The following DLGAP1 variants were observed in gnomAD, a reference collection of about 807,000 sequenced individuals.
DLGAP1 encodes the protein DLG associated protein 1.
A neutral mutation model predicts 90.8 loss-of-function variants in DLGAP1; 11 were observed. The ratio of observed to expected loss-of-function variants is 0.12; its 90% CI spans 0.08 to 0.20. The LOEUF is 0.20. Ranked by LOEUF, DLGAP1 falls within the 10% of genes least tolerant of loss-of-function variation. DLGAP1 has a pLI of 1.00. For synonymous variants in DLGAP1, 558 were observed against 540.7 expected (o/e 1.03, Z -0.44); for missense variants, 1,050 against 1,333.8 (o/e 0.79, Z 3.31).
intron 4 of DLGAP1, among the ~76,000 whole-genome samples, chr18:3,824,879 C>T (rs927010775): frequency 8.5e-5 from 13 of 152,138 alleles, no homozygotes; most frequent in Non-Finnish European, 1.5e-4. Context: ...GCAATGAAAC[C>T]GTCAAACCAC....
chr18:3,886,993 C>G (rs2071333950), intron 3 of DLGAP1, among the ~76,000 whole-genome samples: 2 of 152,160 alleles, frequency 1.3e-5, no homozygotes, highest in Non-Finnish European at 2.9e-5. Context: ...AGGTTCTGAC[C>G]TACAGCGGAG....
chr18:3,575,550 C>T (rs1404770300), intron 8 of DLGAP1, among the ~76,000 whole-genome samples: 1 of 152,056 alleles, frequency 6.6e-6, no homozygotes, highest in Non-Finnish European at 1.5e-5. Context: ...CCAGGGGTCA[C>T]CTTTGGGGAG....
intron 2 of DLGAP1, among the ~76,000 whole-genome samples, chr18:4,074,007 T>G (rs7240625): frequency 0.068 from 10,337 of 152,232 alleles, 712 homozygotes; most frequent in East Asian, 0.21. Context: ...AGCCTATATA[T>G]GAGCAGATAA....
intron 2 of DLGAP1, among the ~76,000 whole-genome samples, chr18:4,047,458 T>A (rs1226501399): frequency 3.9e-5 from 6 of 152,214 alleles, no homozygotes; most frequent in African/African-American, 1.2e-4. Context: ...TAGCCAATAG[T>A]AATAAATGGA....
intron 4 of DLGAP1, among the ~76,000 whole-genome samples, chr18:3,838,005 A>AT (rs1363741601): frequency 2.7e-5 from 4 of 149,202 alleles, no homozygotes; most frequent in Non-Finnish European, 4.5e-5. Context: ...TGTCTTAGTA[A>AT]TTAAAAAAAA....
At chr18:3,835,494 A>C (rs2068316755) in intron 4 of DLGAP1, among the ~76,000 whole-genome samples, 1 of 151,912 alleles carries the variant, frequency 6.6e-6, no homozygotes, top group Non-Finnish European at 1.5e-5. Flanking sequence ...CTAAAAACAC[A>C]AAAAATTAGC....
chr18:3,833,750 C>A (rs1177172331), intron 4 of DLGAP1, among the ~76,000 whole-genome samples: 1 of 152,116 alleles, frequency 6.6e-6, no homozygotes, highest in Non-Finnish European at 1.5e-5. Flanking sequence ...TACAAGGATA[C>A]AATGATTTGT....
chr18:4,399,469 C>A (rs62087777), intron 1 of DLGAP1, among the ~76,000 whole-genome samples: 14,204 of 152,180 alleles, frequency 0.093, 1,175 homozygotes, highest in African/African-American at 0.23. Flanking sequence ...AGCGTCAGAA[C>A]GCTTATCTGT....
chr18:4,095,439 G>A (rs2075661305), intron 2 of DLGAP1, among the ~76,000 whole-genome samples: 1 of 152,068 alleles, frequency 6.6e-6, no homozygotes, highest in South Asian at 2.1e-4. Context: ...AAGAGTTCTA[G>A]TGATCTGGAA....
At chr18:4,208,309 C>T (rs2077763646) in intron 1 of DLGAP1, among the ~76,000 whole-genome samples, 1 of 152,136 alleles carries the variant, frequency 6.6e-6, no homozygotes, top group South Asian at 2.1e-4. Context: ...TCCAGACCAG[C>T]TCATAAAAGC....
Position 4,087,869 on chromosome 18 carries a change from G to A in DLGAP1, c.-159+63311C>T, listed in dbSNP as rs545837550. Among the ~76,000 whole-genome samples, 77 of 151,904 alleles carry A rather than the reference G, an allele frequency of 5.1e-4. 1 individual carries two copies. In the South Asian group the frequency reaches 7.5e-3, roughly 15 times the overall value. ...TGTAGTTGGGCTTTGCTTTGTTTGA[G>A]TTGACATGATCTGTCTTGATTTGTT... On this transcript the variant is annotated intron_variant, in intron 2 of 12. Transcript: ENST00000315677.
chr18:4,051,905 C>T lies in DLGAP1; in HGVS notation c.-158-46704G>A, dbSNP rs141425267. On this transcript the variant is annotated intron_variant, in intron 2 of 12. Transcript: ENST00000315677. ...AAACAGAGGGGCTATAGGCACCATG[C>T]GAGTCTGAAATCCAATAGGTCAGTC... Among the ~76,000 whole-genome samples the T allele has an allele frequency of 9.8e-5, 15 of 152,296 alleles. No homozygotes were observed. The East Asian group carries it at 2.3e-3, about 24-fold the overall frequency.
intron 4 of DLGAP1, among the ~76,000 whole-genome samples, chr18:3,857,385 A>G (rs2069716411): frequency 6.6e-6 from 1 of 152,230 alleles, no homozygotes; most frequent in Admixed American, 6.5e-5. Context: ...GTATTTACAT[A>G]CTATAATAAC....
intron 3 of DLGAP1, among the ~76,000 whole-genome samples, chr18:3,949,035 T>TA (rs200284722): frequency 0.027 from 4,137 of 152,188 alleles, 189 homozygotes; most frequent in African/African-American, 0.094. Context: ...ATGTTTCCCA[T>TA]AAAAAAGGCT....
intron 1 of DLGAP1, among the ~76,000 whole-genome samples, chr18:4,442,013 A>C (rs1466371322): frequency 6.6e-6 from 1 of 152,062 alleles, no homozygotes; most frequent in Non-Finnish European, 1.5e-5. Flanking sequence ...TTCTTTTGAG[A>C]CAGAATCTCA....
intron 2 of DLGAP1, among the ~76,000 whole-genome samples, chr18:4,050,165 C>T (rs147404051): frequency 1.3e-3 from 204 of 152,246 alleles, no homozygotes; most frequent in Non-Finnish European, 2.5e-3. Context: ...ATGCCAAGTT[C>T]CTATACTTCT....
intron 3 of DLGAP1, among the ~76,000 whole-genome samples, chr18:3,966,606 A>G (rs2073337992): frequency 6.6e-6 from 1 of 152,222 alleles, no homozygotes; most frequent in Non-Finnish European, 1.5e-5. Flanking sequence ...AGATAGCACA[A>G]AAAAGAAATC....
At chr18:3,588,300 A>T (rs985523803) in intron 7 of DLGAP1, among the ~76,000 whole-genome samples, 3 of 152,120 alleles carry the variant, frequency 2.0e-5, no homozygotes, top group Admixed American at 1.3e-4. Context: ...TCTCTACTAA[A>T]AATACAAAAT....
chr18:3,869,989 T>C (rs1009493572), intron 4 of DLGAP1, among the ~76,000 whole-genome samples: 2 of 152,248 alleles, frequency 1.3e-5, no homozygotes, highest in Admixed American at 6.5e-5. Context: ...CAAAGTCATG[T>C]AGCAAGCCAG....
Sources: allele counts gnomAD v4.1 joint callset (sites outside exome capture counted in the v4.1 genomes callset), GRCh38; gene constraint gnomAD v4.1.1; transcripts MANE v1.5; gene names NCBI Gene and HGNC (gene_info 2026-07-23, HGNC 2026-07-21).